LAMA2: variants seen among roughly 807,000 people sequenced by gnomAD.
LAMA2 encodes laminin subunit alpha 2.
In LAMA2, 269 loss-of-function variants were observed where a neutral mutation model predicts 364.8. The observed-to-expected ratio is 0.74, with a 90% CI of 0.67 to 0.82. LAMA2 has a LOEUF of 0.82. LAMA2 is among the 40% of genes least tolerant of loss of function. The pLI is 0.00. For missense variants in LAMA2, 3,807 were observed against 3,873.2 expected (o/e 0.98, Z 0.45); for synonymous variants, 1,379 against 1,370.6 (o/e 1.01, Z -0.14).
chr6:128,921,840 A>C (rs1778755585), intron 1 of LAMA2, among the ~76,000 whole-genome samples: 2 of 147,348 alleles, frequency 1.4e-5, no homozygotes, highest in African/African-American at 5.1e-5. Context: ...TATATCTCCC[A>C]ATGCTATCCC....
rs1786681979 is a variant in LAMA2 at position 129,512,549 on chromosome 6, G to A, written c.8988+56G>A. 2.5e-6 allele frequency: 4 copies of A among 1,578,612 alleles called. No individual in the cohort carries two copies. The African/African-American group carries it at 4.0e-5, about 16-fold the overall frequency. Reference sequence around the variant, plus strand: ...TTCTTCATGATATTGTTGATGTGTAGATATCATCCATGTGTGGGAAACTCG... The same window carrying A: ...TTCTTCATGATATTGTTGATGTGTAAATATCATCCATGTGTGGGAAACTCG... On this transcript the variant is annotated intron_variant, in intron 63 of 64. Transcript: ENST00000421865.
At chr6:129,398,472 C>CTTTTTTTTTTTTTTT (rs71028159) in intron 37 of LAMA2, among the ~76,000 whole-genome samples, 37 of 110,504 alleles carry the variant, frequency 3.3e-4, no homozygotes, top group East Asian at 8.0e-4. Context: ...CTTTTCTTTT[C>CTTTTTTTTTTTTTTT]TTTTTTTTTT....
chr6:129,187,579 A>AG (rs111495749), intron 10 of LAMA2, among the ~76,000 whole-genome samples: 10,047 of 151,810 alleles, frequency 0.066, 466 homozygotes, highest in African/African-American at 0.13. Flanking sequence ...GGACTTTCTG[A>AG]GGGCAGGGCC....
intron 37 of LAMA2, among the ~76,000 whole-genome samples, chr6:129,398,036 A>G (rs1008737355): frequency 6.6e-6 from 1 of 152,202 alleles, no homozygotes; most frequent in Non-Finnish European, 1.5e-5. Flanking sequence ...CTTTTACAAA[A>G]GATTCTAACT....
At chr6:129,090,773 T>C (rs2114858405) in intron 3 of LAMA2, among the ~76,000 whole-genome samples, 1 of 152,318 alleles carries the variant, frequency 6.6e-6, no homozygotes, top group South Asian at 2.1e-4. Context: ...TGTGCTTCCA[T>C]CACACTGCAG....
At chr6:129,477,115 T>A (rs776157251) in intron 53 of LAMA2, among the ~76,000 whole-genome samples, 5 of 152,214 alleles carry the variant, frequency 3.3e-5, no homozygotes, top group Non-Finnish European at 7.3e-5. Context: ...TACCACCACA[T>A]AAAGAATTAT....
intron 18 of LAMA2, among the ~76,000 whole-genome samples, chr6:129,286,794 TAATATATAATAATATATAATATA>T (rs1789238425): frequency 1.2e-3 from 1 of 864 alleles, no homozygotes; most frequent in African/African-American, 3.6e-3. Flanking sequence ...ATATATTATA[TAATATATAATAATATATAATATA>T]TTATATAATA....
chr6:129,345,723 C>A (rs1360469024), intron 30 of LAMA2, among the ~76,000 whole-genome samples: 1 of 151,874 alleles, frequency 6.6e-6, no homozygotes, highest in Non-Finnish European at 1.5e-5. Flanking sequence ...ATACACCATG[C>A]CATTTATTTA....
intron 51 of LAMA2, among the ~76,000 whole-genome samples, chr6:129,470,612 G>A (rs561078150): frequency 1.3e-5 from 2 of 151,998 alleles, no homozygotes; most frequent in South Asian, 4.1e-4. Flanking sequence ...CTATAGGGAA[G>A]GAAATGCTAA....
chr6:129,013,415 C>T (rs946290767), intron 1 of LAMA2, among the ~76,000 whole-genome samples: 4 of 150,160 alleles, frequency 2.7e-5, no homozygotes, highest in East Asian at 3.9e-4. Context: ...CCGGCCTGGG[C>T]GAAAGAGAGA....
chr6:129,364,587 T>G (rs1777654573), intron 32 of LAMA2, among the ~76,000 whole-genome samples: 1 of 152,204 alleles, frequency 6.6e-6, no homozygotes, highest in Non-Finnish European at 1.5e-5. Flanking sequence ...TATATGTTAA[T>G]TTTGGAAATT....
chr6:129,034,769 C>T (rs953834984), intron 1 of LAMA2, among the ~76,000 whole-genome samples: 2 of 152,138 alleles, frequency 1.3e-5, no homozygotes, highest in African/African-American at 2.4e-5. Flanking sequence ...ATAATGGCCT[C>T]CAGCTCCATC....
chr6:129,464,342 G>A lies in LAMA2; in HGVS notation c.7045G>A (p.Ala2349Thr), dbSNP rs1156302103. 2 of 1,612,004 alleles carry A rather than the reference G, an allele frequency of 1.2e-6. No homozygotes were observed. Among genetic ancestry groups the A allele is most frequent in the East Asian group, 4.5e-5 (2 of 44,814 alleles). Residue 2349 changes from alanine (A) to threonine (T), a missense_variant, in exon 50 of 65, where the codon GCA becomes ACA. By Grantham distance (58) the Ala-to-Thr change is moderately conservative (BLOSUM62 0). Coordinates refer to ENST00000421865, the MANE Select transcript of LAMA2 (RefSeq NM_000426.4). ...GTIQFDGEGY[A>T]LVSRPIRWYP... ...TATTCAATTTGATGGAGAAGGTTAT[G>A]CATTGGTCAGCCGTCCCATTCGCTG...
At chr6:129,217,187 CA>C (rs5879929) in intron 12 of LAMA2, among the ~76,000 whole-genome samples, 10 of 145,362 alleles carry the variant, frequency 6.9e-5, no homozygotes, top group African/African-American at 2.5e-4. Flanking sequence ...GACTCCATCT[CA>C]AAAAAAAAAT....
intron 49 of LAMA2, among the ~76,000 whole-genome samples, chr6:129,463,920 G>A (rs536540932): frequency 6.6e-6 from 1 of 152,004 alleles, no homozygotes; most frequent in Non-Finnish European, 1.5e-5. Context: ...TTCAGAGTAG[G>A]ATCCTATATA....
At chr6:129,486,011 G>T (rs1486172784) in intron 55 of LAMA2, among the ~76,000 whole-genome samples, 2 of 152,198 alleles carry the variant, frequency 1.3e-5, no homozygotes, top group African/African-American at 2.4e-5. Flanking sequence ...TGGGAGGCAG[G>T]TTACATGTTT....
chr6:129,406,754 C>G (rs1166520773), intron 40 of LAMA2, among the ~76,000 whole-genome samples: 5 of 152,188 alleles, frequency 3.3e-5, no homozygotes, highest in East Asian at 1.9e-4. Flanking sequence ...AAGGACAGAA[C>G]TAATAGGATA....
intron 12 of LAMA2, among the ~76,000 whole-genome samples, chr6:129,193,113 G>A (rs1420364821): frequency 2.0e-5 from 3 of 152,168 alleles, no homozygotes; most frequent in African/African-American, 4.8e-5. Flanking sequence ...TAATGAAGCC[G>A]CTAGTGTATT....
At chr6:128,911,527 G>A (rs1328347010) in intron 1 of LAMA2, among the ~76,000 whole-genome samples, 1 of 152,016 alleles carries the variant, frequency 6.6e-6, no homozygotes, top group Non-Finnish European at 1.5e-5. Context: ...ACTGACCTGC[G>A]CCCACTGTCT....
Sources: gnomAD v4.1 joint callset for allele counts (sites outside exome capture counted in the v4.1 genomes callset) on GRCh38, gnomAD v4.1.1 for gene constraint, MANE v1.5 for transcripts, NCBI Gene and HGNC (gene_info 2026-07-23, HGNC 2026-07-21) for gene names.